Variants in WDR20 observed in about 807,000 individuals in gnomAD.
WDR20 encodes the protein WD repeat-containing protein 20.
Under a neutral mutation model 38.7 loss-of-function variants are expected in WDR20, and 3 were observed. The observed-to-expected ratio is 0.08, with a 90% CI of 0.04 to 0.20. WDR20 has a LOEUF of 0.20. Ranked by LOEUF, WDR20 falls within the 10% of genes least tolerant of loss-of-function variation. The pLI, the probability that WDR20 is intolerant of heterozygous loss-of-function variation, is 1.00. For missense variants in WDR20, 559 were observed against 727.7 expected, an observed-to-expected ratio of 0.77 and a Z score of 2.67; for synonymous variants, 298 against 285.6, an observed-to-expected ratio of 1.04 and a Z score of -0.44.
Position 102,209,013 on chromosome 14 carries a change from G to T in WDR20, c.843G>T (p.Gly281=), listed in dbSNP as rs6575900. ...ATGGCAAGTACATCGTGACAGGTGG[G>T]GAGGACGACTTGGTGACAGTCTGGT... ...SPDGKYIVTG[G]EDDLVTVWSF... is the part of the protein sequence containing the mutation. The change falls in exon 3 of 3, where the codon GGG becomes GGT. Residue 281 remains glycine, a synonymous_variant. Transcript: ENST00000342702. This position sits in a 1 kb window ranked among gnomAD's most constrained non-coding sequence, Gnocchi z 6.0. 4 of 1,613,794 alleles carry T rather than the reference G, an allele frequency of 2.5e-6. No individual in the cohort carries two copies. The highest frequency in any genetic ancestry group is 2.7e-5 in the African/African-American group (2 of 74,796).
intron 1 of WDR20, among the ~76,000 whole-genome samples, chr14:102,162,912 C>A (rs1196329948): frequency 6.6e-6 from 1 of 152,138 alleles, no homozygotes; most frequent in Admixed American, 6.6e-5. Context: ...TTGCCAGGCC[C>A]TTAGATAATC....
intron 2 of WDR20, chr14:102,198,057 G>C (rs2059700592): frequency 9.7e-6 from 4 of 413,902 alleles, no homozygotes; most frequent in African/African-American, 2.0e-5. Context: ...TAAGAGGCAA[G>C]AGAGCAGGCC....
chr14:102,193,386 C>G, intron 1 of WDR20: 2 of 1,497,394 alleles, frequency 1.3e-6, no homozygotes, highest in South Asian at 1.1e-5. Context: ...TCAGGACTCC[C>G]TTTTGTTTTG....
chr14:102,212,720 T>A, downstream of WDR20: 2 of 1,476,368 alleles, frequency 1.4e-6, no homozygotes, highest in Non-Finnish European at 1.8e-6. Context: ...GTTCCTGATA[T>A]CAGGTGTGTA....
At chr14:102,191,567 G>A (rs868858085) in intron 1 of WDR20, among the ~76,000 whole-genome samples, 18 of 152,184 alleles carry the variant, frequency 1.2e-4, no homozygotes, top group African/African-American at 4.1e-4. Flanking sequence ...TCTATCTGGG[G>A]TGGGGCTCCA....
chr14:102,188,259 C>T (rs1287514060), intron 1 of WDR20, among the ~76,000 whole-genome samples: 2 of 152,178 alleles, frequency 1.3e-5, no homozygotes, highest in African/African-American at 4.8e-5. Flanking sequence ...TGGCTGTTGC[C>T]TGTGATGCCA....
downstream of WDR20, chr14:102,212,955 C>A (rs2153034851): frequency 1.3e-5 from 13 of 1,017,076 alleles, no homozygotes; most frequent in Non-Finnish European, 1.5e-5. Flanking sequence ...GTGTACCAAA[C>A]CACAGAGATG....
downstream of WDR20, among the ~76,000 whole-genome samples, chr14:102,220,004 T>C (rs1407760886): frequency 6.6e-6 from 1 of 152,246 alleles, no homozygotes; most frequent in Non-Finnish European, 1.5e-5. This position sits in a 1 kb window ranked among gnomAD's most constrained non-coding sequence, Gnocchi z 4.2. Context: ...AACTGGAGAA[T>C]GAGTGTGCAT....
At chr14:102,170,531 A>G (rs909584178) in intron 1 of WDR20, among the ~76,000 whole-genome samples, 2 of 152,106 alleles carry the variant, frequency 1.3e-5, no homozygotes, top group Non-Finnish European at 2.9e-5. Context: ...TGTGCTATGA[A>G]TTAAGCATTG....
intron 1 of WDR20, among the ~76,000 whole-genome samples, chr14:102,169,141 C>T (rs76142477): frequency 0.016 from 2,360 of 152,192 alleles, 33 homozygotes; most frequent in Admixed American, 0.028. Context: ...CCCTCCCCGT[C>T]CCACCCGTGG....
chr14:102,153,081 C>T (rs768832347), intron 1 of WDR20, among the ~76,000 whole-genome samples: 1 of 152,094 alleles, frequency 6.6e-6, no homozygotes, highest in Non-Finnish European at 1.5e-5. Context: ...CTTGGTGCTG[C>T]CCTCACGCTA....
rs574660401 is a variant in WDR20, at chr14:102,222,738, T to G, written c.1693-92T>G. On this transcript the variant is annotated intron_variant, in intron 3 of 3. Transcript: ENST00000335263. The surrounding 1 kb of genome is among the most constrained non-coding windows in gnomAD (Gnocchi z 4.4). ...GGCTTCCACATCAACAGCACCAGTT[T>G]TGACCACGTGGAGCTGCTGGCGGAG... 2.1e-6 allele frequency: 3 copies of G among 1,408,656 alleles called. No individual in the cohort carries two copies. The highest frequency in any genetic ancestry group is 1.4e-5 in the African/African-American group (1 of 70,986). 87.3% of individuals were successfully genotyped at this position (1,408,656 alleles called of 1,614,324 possible). A position where few individuals can be genotyped will look rare whatever the true frequency, so the allele number is the denominator to read the frequency against.
downstream of WDR20, among the ~76,000 whole-genome samples, chr14:102,219,313 A>T (rs1182872900): frequency 6.6e-6 from 1 of 152,252 alleles, no homozygotes; most frequent in Non-Finnish European, 1.5e-5. Context: ...AGCAAGTGAC[A>T]GGTGCCAAGA....
At chr14:102,163,099 G>C (rs1416569445) in intron 1 of WDR20, among the ~76,000 whole-genome samples, 1 of 152,112 alleles carries the variant, frequency 6.6e-6, no homozygotes, top group East Asian at 1.9e-4. Context: ...GGGCCTTTAA[G>C]GGCTGATGAG....
rs74954949 is a variant in WDR20, at chr14:102,221,106, A to G, written c.1693-1724A>G. On this transcript the variant is annotated intron_variant, in intron 3 of 3. Transcript: ENST00000335263. The surrounding 1 kb of genome is among the most constrained non-coding windows in gnomAD (Gnocchi z 4.8). The stretch of plus-strand genomic sequence containing the variant: ...AACTTAACACAGGACTGGTAGAGAC[A>G]CCACCTTCCTGTGGGTGGGGCTGCC... Among the ~76,000 whole-genome samples, 709 of 152,314 alleles carry G rather than the reference A, an allele frequency of 4.7e-3. 6 individuals are homozygous for G. The highest frequency in any genetic ancestry group is 0.016 in the African/African-American group (659 of 41,566).
intron 1 of WDR20, among the ~76,000 whole-genome samples, chr14:102,154,552 A>G (rs1466406347): frequency 6.6e-6 from 1 of 152,190 alleles, no homozygotes; most frequent in Non-Finnish European, 1.5e-5. Flanking sequence ...TTCAGACCAT[A>G]GCACTGGTAT....
chr14:102,190,477 C>T (rs1012140306), intron 1 of WDR20, among the ~76,000 whole-genome samples: 6 of 152,016 alleles, frequency 3.9e-5, no homozygotes, highest in Non-Finnish European at 8.8e-5. Flanking sequence ...CCTTTAATCC[C>T]AGCTACTCAG....
In WDR20 at chr14:102,222,247, C is replaced by A. The variant is rs2063978998; in HGVS notation, c.1693-583C>A. On this transcript the variant is annotated intron_variant, in intron 3 of 3. Transcript: ENST00000335263. The surrounding 1 kb of genome is among the most constrained non-coding windows in gnomAD (Gnocchi z 4.4). ...AGACTACTTTGTTCTGGGGCTCCCCCGACCTCGGCCTGGGCCCTGCTGTCT... is the reference window on the plus strand; with the variant it reads ...AGACTACTTTGTTCTGGGGCTCCCCAGACCTCGGCCTGGGCCCTGCTGTCT... Among the ~76,000 whole-genome samples the A allele has an allele frequency of 6.6e-6, 1 of 152,208 alleles. No homozygotes were observed. The highest frequency in any genetic ancestry group is 6.5e-5 in the Admixed American group (1 of 15,278).
chr14:102,164,963 G>C (rs1234559002), intron 1 of WDR20, among the ~76,000 whole-genome samples: 1 of 152,186 alleles, frequency 6.6e-6, no homozygotes, highest in Non-Finnish European at 1.5e-5. Flanking sequence ...GCGCAAGTTA[G>C]TTTGTTAGGG....
Sources: allele counts gnomAD v4.1 joint callset (sites outside exome capture counted in the v4.1 genomes callset), GRCh38; gene constraint gnomAD v4.1.1; non-coding constraint Gnocchi (gnomAD v3.1); transcripts MANE v1.5; gene names NCBI Gene and HGNC (gene_info 2026-07-23, HGNC 2026-07-21).